The following SMYD3 variants were observed in gnomAD, a reference collection of about 807,000 sequenced individuals.
SMYD3 encodes SET and MYND domain containing 3.
A neutral mutation model predicts 57.7 loss-of-function variants in SMYD3; 36 were observed. The ratio of observed to expected loss-of-function variants is 0.62; its 90% confidence interval spans 0.48 to 0.82. The LOEUF (loss-of-function observed/expected upper bound fraction) is 0.82. SMYD3 is among the 40% of genes least tolerant of loss of function. The pLI is 0.00. For synonymous variants in SMYD3, 211 were observed against 195.0 expected (o/e 1.08, Z -0.68); for missense variants, 515 against 538.8 (o/e 0.96, Z 0.44).
chr1:246,454,215 G>C (rs985319755), intron 1 of SMYD3, among the ~76,000 whole-genome samples: 1 of 152,106 alleles, frequency 6.6e-6, no homozygotes, highest in East Asian at 1.9e-4. Context: ...ATTGAGGTGG[G>C]GAAAAATGCT....
intron 10 of SMYD3, among the ~76,000 whole-genome samples, chr1:245,857,972 C>A (rs777266245): frequency 6.6e-6 from 1 of 152,140 alleles, no homozygotes; most frequent in Non-Finnish European, 1.5e-5. Context: ...GAGGCAGGGC[C>A]GTCTCCCTGC....
intron 10 of SMYD3, among the ~76,000 whole-genome samples, chr1:245,846,133 C>G (rs2050652687): frequency 6.6e-6 from 1 of 152,166 alleles, no homozygotes; most frequent in East Asian, 1.9e-4. Context: ...TCTGTCTCAC[C>G]ACGCTGTGGA....
intron 5 of SMYD3, among the ~76,000 whole-genome samples, chr1:246,286,995 C>T (rs1171367020): frequency 1.1e-4 from 17 of 151,676 alleles, no homozygotes; most frequent in Admixed American, 1.1e-3. Flanking sequence ...CTCAGCCTCC[C>T]GAGTAGCTGG....
chr1:245,770,864 T>C (rs2046304532), intron 10 of SMYD3, among the ~76,000 whole-genome samples: 1 of 152,158 alleles, frequency 6.6e-6, no homozygotes, highest in African/African-American at 2.4e-5. Flanking sequence ...AACTTAACAG[T>C]CTAACATTAG....
intron 5 of SMYD3, among the ~76,000 whole-genome samples, chr1:246,232,417 A>T (rs1572248811): frequency 6.6e-6 from 1 of 152,010 alleles, no homozygotes; most frequent in East Asian, 1.9e-4. Context: ...AAGAACATAT[A>T]CCACACAGAG....
intron 5 of SMYD3, among the ~76,000 whole-genome samples, chr1:246,182,360 T>C (rs1342775074): frequency 2.0e-5 from 3 of 152,146 alleles, no homozygotes; most frequent in Admixed American, 6.5e-5. Context: ...TCCTCCCTGA[T>C]AGTTATGACC....
intron 5 of SMYD3, among the ~76,000 whole-genome samples, chr1:246,003,859 C>T (rs1226157896): frequency 1.3e-5 from 2 of 152,148 alleles, no homozygotes; most frequent in Admixed American, 6.5e-5. Flanking sequence ...ATAATACAGT[C>T]GTGTAAATCT....
At chr1:246,240,936 G>A (rs574912517) in intron 5 of SMYD3, among the ~76,000 whole-genome samples, 28 of 152,096 alleles carry the variant, frequency 1.8e-4, no homozygotes, top group African/African-American at 4.6e-4. Context: ...TTTGCACATC[G>A]ATTTTGTATC....
chr1:246,174,074 G>A (rs540858353), intron 5 of SMYD3, among the ~76,000 whole-genome samples: 4 of 152,078 alleles, frequency 2.6e-5, no homozygotes, highest in Non-Finnish European at 5.9e-5. Context: ...GCTCCCAAAG[G>A]GCTGGGACTA....
intron 2 of SMYD3, among the ~76,000 whole-genome samples, chr1:246,353,040 C>T (rs1198533864): frequency 6.6e-6 from 1 of 152,128 alleles, no homozygotes; most frequent in Non-Finnish European, 1.5e-5. Context: ...AGAACATCAC[C>T]ATAAACCAAG....
chr1:246,097,592 T>G (rs1254688348), intron 5 of SMYD3, among the ~76,000 whole-genome samples: 1 of 152,166 alleles, frequency 6.6e-6, no homozygotes, highest in Non-Finnish European at 1.5e-5. Flanking sequence ...CTCTCATTCC[T>G]TTGTTCCAAC....
intron 5 of SMYD3, among the ~76,000 whole-genome samples, chr1:246,022,539 C>T (rs887227167): frequency 5.3e-5 from 8 of 152,154 alleles, no homozygotes; most frequent in African/African-American, 1.7e-4. Context: ...TTTAGTAAAA[C>T]ACTTGACATA....
intron 5 of SMYD3, among the ~76,000 whole-genome samples, chr1:246,123,985 TACC>T (rs1365442910): frequency 6.6e-6 from 1 of 152,214 alleles, no homozygotes; most frequent in Non-Finnish European, 1.5e-5. Flanking sequence ...TCTACGAATA[TACC>T]ACATTTTCTT....
At chr1:245,921,381 G>C (rs1036403839) in intron 7 of SMYD3, among the ~76,000 whole-genome samples, 3 of 152,078 alleles carry the variant, frequency 2.0e-5, no homozygotes, top group African/African-American at 7.2e-5. Context: ...GAGGAGCTCA[G>C]AACTACCATT....
intron 5 of SMYD3, among the ~76,000 whole-genome samples, chr1:246,230,544 C>G (rs2063394896): frequency 6.6e-6 from 1 of 152,166 alleles, no homozygotes; most frequent in Non-Finnish European, 1.5e-5. Flanking sequence ...CAGGCTAGAC[C>G]TGAACTCCTG....
At chr1:246,184,253 C>CT (rs1287503501) in intron 5 of SMYD3, among the ~76,000 whole-genome samples, 1 of 152,178 alleles carries the variant, frequency 6.6e-6, no homozygotes, top group Non-Finnish European at 1.5e-5. Context: ...CCAAAGAGGT[C>CT]TCAGGCTTAA....
chr1:246,335,490 TGGGGAGAACATA>T lies in SMYD3; in HGVS notation c.229-28_229-17del. On this transcript the variant is annotated splice_polypyrimidine_tract_variant and intron_variant, in intron 2 of 11. Coordinates refer to ENST00000490107, the MANE Select transcript of SMYD3 (RefSeq NM_001167740.2). ...AAGCTTTTTTCTATTAAAACAAGAG[TGGGGAGAACATA>T]GGTGACCTAAAATTTAACTTTCATT... The T allele has an allele frequency of 6.2e-7, 1 of 1,608,518 alleles. No homozygotes were observed. The highest frequency in any genetic ancestry group is 8.5e-7 in the Non-Finnish European group (1 of 1,175,162).
At chr1:246,360,754 G>A (rs2065975044) in intron 1 of SMYD3, among the ~76,000 whole-genome samples, 1 of 152,108 alleles carries the variant, frequency 6.6e-6, no homozygotes, top group South Asian at 2.1e-4. Flanking sequence ...ACCTATAGAA[G>A]AATGAAACTG....
chr1:246,094,545 T>C (rs1004047303), intron 5 of SMYD3, among the ~76,000 whole-genome samples: 6 of 152,188 alleles, frequency 3.9e-5, no homozygotes, highest in African/African-American at 1.2e-4. Flanking sequence ...CCAGAGAGCA[T>C]GTCCCCCGCC....
Sources: allele counts gnomAD v4.1 joint callset (sites outside exome capture counted in the v4.1 genomes callset), GRCh38; gene constraint gnomAD v4.1.1; transcripts MANE v1.5; gene names NCBI Gene and HGNC (gene_info 2026-07-23, HGNC 2026-07-21).